Variants in DCLK3 observed in about 807,000 individuals in gnomAD.
DCLK3 encodes serine/threonine-protein kinase DCLK3.
DCLK3 carries 30 observed loss-of-function variants against 46.4 expected under a neutral mutation model. The observed-to-expected ratio is 0.65, with a 90% CI of 0.48 to 0.88. The LOEUF is 0.88. DCLK3 is among the 40% of genes least tolerant of loss of function. The pLI is 0.00. For missense variants in DCLK3, 846 were observed against 907.1 expected, an observed-to-expected ratio of 0.93 and a Z score of 0.87; for synonymous variants, 401 against 339.2, an observed-to-expected ratio of 1.18 and a Z score of -2.00.
chr3:36,754,516 G>T (rs1051078274), intron 1 of DCLK3, among the ~76,000 whole-genome samples: 1 of 152,182 alleles, frequency 6.6e-6, no homozygotes, highest in Non-Finnish European at 1.5e-5. Flanking sequence ...GACCGAAAAC[G>T]TAAACACATT....
chr3:36,761,597 T>TATCAAGAGGCCACCAAAGGA (rs1239257727), intron 1 of DCLK3, among the ~76,000 whole-genome samples: 9 of 152,266 alleles, frequency 5.9e-5, no homozygotes, highest in Non-Finnish European at 1.2e-4. Flanking sequence ...ATTTAGACAT[T>TATCAAGAGGCCACCAAAGGA]ATCAAGAGGC....
intron 1 of DCLK3, among the ~76,000 whole-genome samples, chr3:36,740,764 G>A (rs1318748383): frequency 6.6e-6 from 1 of 152,052 alleles, no homozygotes; most frequent in East Asian, 1.9e-4. Flanking sequence ...TACCCTGCAG[G>A]ACCCATATGT....
At chr3:36,720,239 T>C (rs372878151) in intron 3 of DCLK3, among the ~76,000 whole-genome samples, 2 of 152,270 alleles carry the variant, frequency 1.3e-5, no homozygotes, top group Middle Eastern at 3.4e-3. Flanking sequence ...AACATGCCGG[T>C]TCCCTGTCAC....
chr3:36,743,396 AT>A (rs1486684565), intron 1 of DCLK3, among the ~76,000 whole-genome samples: 8 of 152,194 alleles, frequency 5.3e-5, no homozygotes, highest in Admixed American at 3.3e-4. Flanking sequence ...AACCTGTATA[AT>A]CTAGGATAAT....
At chr3:36,754,488 A>G (rs1701469509) in intron 1 of DCLK3, among the ~76,000 whole-genome samples, 2 of 152,210 alleles carry the variant, frequency 1.3e-5, no homozygotes, top group Admixed American at 1.3e-4. Context: ...ATCCTCTGAC[A>G]TCATCTTTTC....
rs916473011 is a variant in DCLK3 at position 36,739,060 on chromosome 3, G to T, written c.107C>A (p.Ser36Tyr). 2.5e-6 allele frequency: 1 copy of T among 398,694 alleles called. No homozygotes were observed. The highest frequency in any genetic ancestry group is 1.3e-4 in the South Asian group (1 of 7,826). The allele number at this position is 398,694 out of a possible 1,614,324, so 24.7% of individuals were successfully genotyped here. A position where few individuals can be genotyped will look rare whatever the true frequency, so the allele number is the denominator to read the frequency against. The change falls in exon 2 of 5, where the codon TCT (serine) becomes TAT (tyrosine). Residue 36 changes from serine (S) to tyrosine (Y), a missense_variant. Transcript: ENST00000636136. ...APGQQGLCDH[S>Y]LKYLSSRITE... ...GATTCTCGAGCTTAAATATTTTAGAGAATGGTCACATAGGCCTTGCTGTCC... is the reference window on the plus strand; with the variant it reads ...GATTCTCGAGCTTAAATATTTTAGATAATGGTCACATAGGCCTTGCTGTCC...
rs577301671 is a variant in DCLK3 at position 36,761,541 on chromosome 3, G to A, written c.82+2641C>T. Among the ~76,000 whole-genome samples, 7 of 152,190 alleles carry A rather than the reference G, an allele frequency of 4.6e-5. No individual in the cohort carries two copies. The East Asian group carries it at 9.7e-4, about 21-fold the overall frequency. ...CATTCTTTTCAAAGAACTCCCCCAC[G>A]TATGCATCTTCAAAAGGGGCTCTGC... On this transcript the variant is annotated intron_variant, in intron 1 of 4. Transcript: ENST00000636136.
intron 2 of DCLK3, among the ~76,000 whole-genome samples, chr3:36,728,705 G>C (rs977701195): frequency 6.6e-6 from 1 of 152,138 alleles, no homozygotes; most frequent in Non-Finnish European, 1.5e-5. Flanking sequence ...CCAGTCATGG[G>C]ACTCCTCAGT....
At chr3:36,715,653 G>T in intron 4 of DCLK3, 132 bp from the exon 5 acceptor site, 2 of 871,136 alleles carry the variant, frequency 2.3e-6, no homozygotes, top group Non-Finnish European at 1.7e-6. Context: ...TCATATTCTA[G>T]AGCAGCACAG....
In DCLK3 at chr3:36,715,244, C is replaced by T. The variant is rs553268158; in HGVS notation, c.*84G>A. 8 of 1,484,114 alleles carry T rather than the reference C, an allele frequency of 5.4e-6. No individual in the cohort carries two copies. Among genetic ancestry groups the T allele is most frequent in the Non-Finnish European group, 7.3e-6 (8 of 1,100,818 alleles). 91.9% of individuals were successfully genotyped at this position (1,484,114 alleles called of 1,614,324 possible). ...ATTCACCAATTATGTGAAGAAGCCTCTTTCATTGTTTTTCTCTCAAACTTC... is the reference window on the plus strand; with the variant it reads ...ATTCACCAATTATGTGAAGAAGCCTTTTTCATTGTTTTTCTCTCAAACTTC... On this transcript the variant is annotated 3_prime_UTR_variant, in exon 5 of 5. Transcript: ENST00000636136.
intron 2 of DCLK3, among the ~76,000 whole-genome samples, chr3:36,722,299 G>T (rs780297786): frequency 6.6e-6 from 1 of 152,122 alleles, no homozygotes; most frequent in Non-Finnish European, 1.5e-5. Context: ...GAAAAACAGG[G>T]TGACTATAGT....
chr3:36,719,518 G>A (rs1701031312), intron 3 of DCLK3, among the ~76,000 whole-genome samples: 1 of 152,148 alleles, frequency 6.6e-6, no homozygotes, highest in Non-Finnish European at 1.5e-5. Context: ...TGGCCTCTGT[G>A]ACAATGCACT....
intron 1 of DCLK3, among the ~76,000 whole-genome samples, chr3:36,761,607 C>G (rs796973845): frequency 6.6e-6 from 1 of 152,192 alleles, no homozygotes; most frequent in Non-Finnish European, 1.5e-5. Flanking sequence ...TATCAAGAGG[C>G]CACCAAAGGA....
At chr3:36,728,115 ATG>A (rs1425385575) in intron 2 of DCLK3, among the ~76,000 whole-genome samples, 2 of 152,198 alleles carry the variant, frequency 1.3e-5, no homozygotes, top group Admixed American at 1.3e-4. Context: ...CATCCCATTT[ATG>A]GCAAGCTTAG....
chr3:36,739,606 T>C lies in DCLK3; in HGVS notation c.83-522A>G, dbSNP rs565828072. 4.6e-5 allele frequency among the ~76,000 whole-genome samples: 7 copies of C among 152,362 alleles called. No homozygotes were observed. In the South Asian group the frequency reaches 1.4e-3, roughly 32 times the overall value. ...AAGATGGGACTTGCCCTTCCTTGCC[T>C]TCCGCCATGATTGTGAGGCTTCCCC... On this transcript the variant is annotated intron_variant, in intron 1 of 4. Transcript: ENST00000636136.
chr3:36,749,208 G>C (rs1196345446), intron 1 of DCLK3, among the ~76,000 whole-genome samples: 3 of 152,164 alleles, frequency 2.0e-5, no homozygotes, highest in African/African-American at 7.2e-5. Flanking sequence ...GCTGAGTTTC[G>C]CTTTTCTCAG....
chr3:36,750,149 T>C (rs1350724994), intron 1 of DCLK3, among the ~76,000 whole-genome samples: 1 of 152,182 alleles, frequency 6.6e-6, no homozygotes, highest in African/African-American at 2.4e-5. Flanking sequence ...GGCGCAATCT[T>C]GGCTCACTGC....
intron 2 of DCLK3, among the ~76,000 whole-genome samples, chr3:36,731,449 GTGCA>G (rs1216620385): frequency 2.8e-5 from 2 of 72,702 alleles, no homozygotes; most frequent in Non-Finnish European, 5.9e-5. Flanking sequence ...TCCTTCGTGC[GTGCA>G]CACACACACA....
intron 2 of DCLK3, among the ~76,000 whole-genome samples, chr3:36,735,022 C>A (rs1346405672): frequency 6.6e-6 from 1 of 152,176 alleles, no homozygotes; most frequent in Non-Finnish European, 1.5e-5. Flanking sequence ...GCAAACTAAG[C>A]TAACTGTCTC....
Sources: gnomAD v4.1 joint callset for allele counts (sites outside exome capture counted in the v4.1 genomes callset) on GRCh38, gnomAD v4.1.1 for gene constraint, MANE v1.5 for transcripts, NCBI Gene and HGNC (gene_info 2026-07-23, HGNC 2026-07-21) for gene names.